NELL1: variants seen among roughly 807,000 people sequenced by gnomAD.
The protein encoded by NELL1 is protein kinase C-binding protein NELL1.
Under a neutral mutation model 107.4 loss-of-function variants are expected in NELL1, and 76 were observed. The ratio of observed to expected loss-of-function variants is 0.71; its 90% CI spans 0.59 to 0.86. NELL1 has a LOEUF of 0.86. Among genes scored for constraint, NELL1 ranks in the 40% least tolerant of loss-of-function variants. NELL1 has a pLI of 0.00. For synonymous variants in NELL1, 353 were observed against 341.2 expected (o/e 1.03, Z -0.38); for missense variants, 1,024 against 1,005.5 (o/e 1.02, Z -0.25).
intron 15 of NELL1, among the ~76,000 whole-genome samples, chr11:21,453,964 C>T (rs1413817333): frequency 6.6e-6 from 1 of 150,404 alleles, no homozygotes; most frequent in African/African-American, 2.4e-5. Flanking sequence ...TTTTAGGGTA[C>T]ATGTGCACAT....
intron 13 of NELL1, among the ~76,000 whole-genome samples, chr11:21,193,330 A>G (rs1857085776): frequency 6.6e-6 from 1 of 151,806 alleles, no homozygotes; most frequent in African/African-American, 2.4e-5. Context: ...AAAGCACGCA[A>G]GAACCTCCTG....
chr11:21,030,897 G>T (rs1852940206), intron 12 of NELL1, among the ~76,000 whole-genome samples: 1 of 151,890 alleles, frequency 6.6e-6, no homozygotes, highest in Non-Finnish European at 1.5e-5. Context: ...TTTTAAAAAA[G>T]GTTTTATTTC....
chr11:20,997,485 A>C (rs1852116886), intron 12 of NELL1, among the ~76,000 whole-genome samples: 1 of 152,340 alleles, frequency 6.6e-6, no homozygotes, highest in Admixed American at 6.5e-5. Flanking sequence ...ATTAGTGAAA[A>C]AAATCTGTGG....
At chr11:21,434,990 T>A (rs932009210) in intron 15 of NELL1, among the ~76,000 whole-genome samples, 1 of 152,198 alleles carries the variant, frequency 6.6e-6, no homozygotes, top group Non-Finnish European at 1.5e-5. Context: ...AGTTAATTAT[T>A]GGTGTATATA....
At chr11:21,556,029 C>T (rs1041394065) in intron 16 of NELL1, among the ~76,000 whole-genome samples, 6 of 151,908 alleles carry the variant, frequency 3.9e-5, no homozygotes, top group Non-Finnish European at 2.9e-5. Context: ...ACTTCAGATT[C>T]GCTACTTATT....
intron 15 of NELL1, among the ~76,000 whole-genome samples, chr11:21,407,232 A>G (rs1190446364): frequency 6.6e-6 from 1 of 152,056 alleles, no homozygotes; most frequent in African/African-American, 2.4e-5. Flanking sequence ...CCTGGGCAAC[A>G]TGGTGAAACC....
intron 13 of NELL1, among the ~76,000 whole-genome samples, chr11:21,117,971 A>T (rs1428108357): frequency 6.6e-6 from 1 of 152,044 alleles, no homozygotes; most frequent in East Asian, 1.9e-4. Context: ...CATTTGGCAA[A>T]TGGTACCCAT....
intron 15 of NELL1, among the ~76,000 whole-genome samples, chr11:21,388,736 A>T (rs1259372666): frequency 6.6e-6 from 1 of 151,870 alleles, no homozygotes; most frequent in African/African-American, 2.4e-5. Flanking sequence ...ATGAATAATT[A>T]TGCATTATCC....
chr11:21,416,185 C>T (rs117717181), intron 15 of NELL1, among the ~76,000 whole-genome samples: 363 of 152,176 alleles, frequency 2.4e-3, no homozygotes, highest in Admixed American at 3.7e-3. Context: ...TTCCTACCCA[C>T]CTCTTGACTG....
chr11:20,704,386 G>C (rs1418696426), intron 2 of NELL1, among the ~76,000 whole-genome samples: 2 of 151,930 alleles, frequency 1.3e-5, no homozygotes, highest in African/African-American at 4.8e-5. Flanking sequence ...TTTATTTTGA[G>C]CCTATGTGTG....
At chr11:21,491,037 G>T (rs1386705367) in intron 15 of NELL1, among the ~76,000 whole-genome samples, 2 of 152,060 alleles carry the variant, frequency 1.3e-5, no homozygotes, top group African/African-American at 2.4e-5. Flanking sequence ...GAAACTATTT[G>T]CAAACTGTCT....
chr11:21,229,225 T>C (rs1857977776), intron 13 of NELL1, 107 bp from the exon 14 acceptor site: 1 of 1,261,454 alleles, frequency 7.9e-7, no homozygotes, highest in Non-Finnish European at 1.1e-6. Context: ...TACTGACAAG[T>C]GGTAGTCACT....
At chr11:21,053,753 G>A (rs1853551662) in intron 12 of NELL1, among the ~76,000 whole-genome samples, 1 of 152,144 alleles carries the variant, frequency 6.6e-6, no homozygotes, top group African/African-American at 2.4e-5. Context: ...GCCTGGGAAG[G>A]TTTCCCTAAA....
chr11:20,980,371 T>C (rs1851725795), intron 12 of NELL1, among the ~76,000 whole-genome samples: 2 of 152,180 alleles, frequency 1.3e-5, no homozygotes, highest in Non-Finnish European at 1.5e-5. Context: ...AAGATTGGAA[T>C]TTAGATTGGC....
At chr11:20,932,419 G>T (rs565768746) in intron 9 of NELL1, among the ~76,000 whole-genome samples, 2 of 152,316 alleles carry the variant, frequency 1.3e-5, no homozygotes, top group South Asian at 4.1e-4. Context: ...CAGGATTTAT[G>T]TAGGTGAGAG....
intron 5 of NELL1, among the ~76,000 whole-genome samples, chr11:20,888,960 A>T (rs1849564098): frequency 6.6e-6 from 1 of 152,026 alleles, no homozygotes; most frequent in East Asian, 1.9e-4. Context: ...AAGTACTAAT[A>T]TTTTCAAGGC....
intron 2 of NELL1, among the ~76,000 whole-genome samples, chr11:20,702,511 T>C (rs1854820356): frequency 3.3e-5 from 5 of 152,106 alleles, no homozygotes. Context: ...TTCCTTCTCC[T>C]GCGTGATTGC....
intron 12 of NELL1, among the ~76,000 whole-genome samples, chr11:20,994,810 G>T (rs998882130): frequency 6.6e-6 from 1 of 152,158 alleles, no homozygotes; most frequent in African/African-American, 2.4e-5. Context: ...AGATTTATAT[G>T]AAAATGAATT....
intron 12 of NELL1, among the ~76,000 whole-genome samples, chr11:21,029,468 C>A (rs887848684): frequency 6.6e-6 from 1 of 152,094 alleles, no homozygotes; most frequent in Non-Finnish European, 1.5e-5. Flanking sequence ...TCCTCTCCCT[C>A]ACAATCCTGT....
Sources: allele counts gnomAD v4.1 joint callset (sites outside exome capture counted in the v4.1 genomes callset), GRCh38; gene constraint gnomAD v4.1.1; transcripts MANE v1.5; gene names NCBI Gene and HGNC (gene_info 2026-07-23, HGNC 2026-07-21).